Variants in SUCLG2 observed in about 807,000 individuals in gnomAD.
The protein encoded by SUCLG2 is succinate-CoA ligase GDP-forming subunit beta.
Under a neutral mutation model 47.9 loss-of-function variants are expected in SUCLG2, and 42 were observed. The observed-to-expected ratio is 0.88, with a 90% CI of 0.69 to 1.14. The LOEUF is 1.14. SUCLG2 is among the 50% of genes most tolerant of loss of function. The pLI, the probability that SUCLG2 is intolerant of heterozygous loss-of-function variation, is 0.00. For missense variants in SUCLG2, 571 were observed against 525.9 expected (o/e 1.09, Z -0.84); for synonymous variants, 195 against 197.3 (o/e 0.99, Z 0.10).
At chr3:67,491,766 T>G (rs1204298020) in intron 9 of SUCLG2, among the ~76,000 whole-genome samples, 1 of 152,266 alleles carries the variant, frequency 6.6e-6, no homozygotes, top group Non-Finnish European at 1.5e-5. Context: ...GAGATTATAC[T>G]TTAATAAGTT....
At chr3:67,631,073 A>G (rs1203758360) in intron 1 of SUCLG2, among the ~76,000 whole-genome samples, 2 of 152,230 alleles carry the variant, frequency 1.3e-5, no homozygotes, top group African/African-American at 4.8e-5. Flanking sequence ...AGGAAATTGC[A>G]GGCTGATGCT....
At chr3:67,609,903 A>G (rs1700497942) in intron 1 of SUCLG2, among the ~76,000 whole-genome samples, 1 of 152,174 alleles carries the variant, frequency 6.6e-6, no homozygotes, top group Admixed American at 6.5e-5. Flanking sequence ...ATTGTACCAC[A>G]ACTACATGAG....
intron 2 of SUCLG2, among the ~76,000 whole-genome samples, chr3:67,564,716 T>C (rs1032340597): frequency 6.6e-6 from 1 of 152,226 alleles, no homozygotes; most frequent in Non-Finnish European, 1.5e-5. Context: ...TTTTTCTTTT[T>C]AGTTCATGAG....
intron 2 of SUCLG2, among the ~76,000 whole-genome samples, chr3:67,599,034 T>C (rs1708357795): frequency 1.3e-5 from 2 of 152,208 alleles, no homozygotes; most frequent in South Asian, 2.1e-4. Context: ...TGATCCTAAC[T>C]ACCCATTATT....
At chr3:67,637,296 T>C (rs1277317388) in intron 1 of SUCLG2, among the ~76,000 whole-genome samples, 1 of 152,214 alleles carries the variant, frequency 6.6e-6, no homozygotes, top group Admixed American at 6.5e-5. Context: ...TGCCTCTAAT[T>C]AGATTCAGGA....
At chr3:67,609,379 T>A (rs1700487193) in intron 2 of SUCLG2, 76 bp downstream of exon 2, 2 of 1,515,440 alleles carry the variant, frequency 1.3e-6, no homozygotes, top group Non-Finnish European at 1.8e-6. Flanking sequence ...ACAAAAAAAA[T>A]TAACTAGTGG....
intron 6 of SUCLG2, among the ~76,000 whole-genome samples, chr3:67,516,581 T>G (rs1050923321): frequency 6.6e-6 from 1 of 152,226 alleles, no homozygotes; most frequent in Admixed American, 6.5e-5. Flanking sequence ...TTCTTCAAAG[T>G]GGACACCTAG....
At chr3:67,491,385 A>G (rs1320876221) in intron 9 of SUCLG2, among the ~76,000 whole-genome samples, 1 of 130,972 alleles carries the variant, frequency 7.6e-6, no homozygotes, top group Non-Finnish European at 1.5e-5. Context: ...TTTTTTCCAG[A>G]CGAAGTCTCG....
At chr3:67,631,627 AAAAAAAAT>A (rs560060126) in intron 1 of SUCLG2, among the ~76,000 whole-genome samples, 42 of 152,128 alleles carry the variant, frequency 2.8e-4, no homozygotes, top group Non-Finnish European at 2.9e-4. Context: ...ACTCCGTTTC[AAAAAAAAT>A]AAAAAAATAA....
chr3:67,564,789 G>A (rs1707408773), intron 2 of SUCLG2, among the ~76,000 whole-genome samples: 1 of 152,188 alleles, frequency 6.6e-6, no homozygotes, highest in Admixed American at 6.5e-5. Context: ...TATGGCCCAA[G>A]GAAGCCAAAA....
intron 1 of SUCLG2, among the ~76,000 whole-genome samples, chr3:67,623,114 T>C (rs943669085): frequency 2.6e-5 from 4 of 152,194 alleles, no homozygotes; most frequent in Admixed American, 2.6e-4. Flanking sequence ...TGTGTATATA[T>C]ATGTCATTCC....
intron 9 of SUCLG2, among the ~76,000 whole-genome samples, chr3:67,442,686 A>G (rs72918974): frequency 6.6e-6 from 1 of 152,348 alleles, no homozygotes; most frequent in African/African-American, 2.4e-5. Context: ...ACAAATGTAA[A>G]GATTTTTCCT....
chr3:67,553,454 T>G (rs1315348801), intron 2 of SUCLG2, among the ~76,000 whole-genome samples: 4 of 152,238 alleles, frequency 2.6e-5, no homozygotes, highest in African/African-American at 9.6e-5. Context: ...CTGAAAATTA[T>G]AAGTTTAAAA....
intron 2 of SUCLG2, among the ~76,000 whole-genome samples, chr3:67,598,739 ACAT>A (rs1428141529): frequency 1.3e-5 from 2 of 152,188 alleles, no homozygotes; most frequent in Non-Finnish European, 2.9e-5. Context: ...AGCAAAAAGC[ACAT>A]CATCTACTGA....
chr3:67,551,173 A>C lies in SUCLG2; in HGVS notation c.227-21987T>G, dbSNP rs116011864. Among the ~76,000 whole-genome samples, 868 of 152,316 alleles carry C rather than the reference A, an allele frequency of 5.7e-3. 7 individuals are homozygous for C. The highest frequency in any genetic ancestry group is 0.01 in the Middle Eastern group (3 of 294). On this transcript the variant is annotated intron_variant, in intron 2 of 10. Coordinates refer to ENST00000307227, the MANE Select transcript of SUCLG2 (RefSeq NM_003848.4). ...TGGTTGATGAGATGGTTGATGAGAC[A>C]GTACAAAGTTAAAAAGGGTTAGATG...
intron 9 of SUCLG2, among the ~76,000 whole-genome samples, chr3:67,432,056 G>A (rs1703497769): frequency 1.3e-5 from 2 of 152,136 alleles, no homozygotes; most frequent in South Asian, 4.1e-4. Flanking sequence ...GGTCTGTTCA[G>A]ATTCCCTTTG....
intron 9 of SUCLG2, among the ~76,000 whole-genome samples, chr3:67,401,950 T>C (rs542244255): frequency 7.2e-5 from 11 of 152,308 alleles, no homozygotes; most frequent in African/African-American, 2.6e-4. Flanking sequence ...CCCAGAACCC[T>C]ATTTATTAGG....
At chr3:67,523,532 A>G (rs948791776) in intron 4 of SUCLG2, among the ~76,000 whole-genome samples, 2 of 152,184 alleles carry the variant, frequency 1.3e-5, no homozygotes, top group African/African-American at 4.8e-5. Flanking sequence ...GGGTAGGACA[A>G]TATTTGAAGC....
chr3:67,484,992 C>T (rs1396920383), intron 9 of SUCLG2, among the ~76,000 whole-genome samples: 1 of 152,092 alleles, frequency 6.6e-6, no homozygotes, highest in Non-Finnish European at 1.5e-5. Flanking sequence ...CTGACCAGTA[C>T]CAAGTCTCAT....
Sources: allele counts gnomAD v4.1 joint callset (sites outside exome capture counted in the v4.1 genomes callset), GRCh38; gene constraint gnomAD v4.1.1; transcripts MANE v1.5; gene names NCBI Gene and HGNC (gene_info 2026-07-23, HGNC 2026-07-21).